Variants in ZNF354B observed in about 807,000 individuals in gnomAD.
The protein encoded by ZNF354B is zinc finger protein 354B.
A neutral mutation model predicts 12.9 loss-of-function variants in ZNF354B; 10 were observed. That is an observed-to-expected ratio of 0.77 (90% CI 0.48 to 1.31). The LOEUF is 1.31. Among genes scored for constraint, ZNF354B ranks in the 40% most tolerant of loss-of-function variants. The pLI is 0.00. For synonymous variants in ZNF354B, 260 were observed against 243.7 expected, an observed-to-expected ratio of 1.07 and a Z score of -0.62; for missense variants, 614 against 711.7, an observed-to-expected ratio of 0.86 and a Z score of 1.56.
chr5:178,870,245 C>T lies in ZNF354B; in HGVS notation c.256+3174C>T, dbSNP rs538406825. On this transcript the variant is annotated intron_variant, in intron 4 of 4. Coordinates refer to ENST00000322434, the MANE Select transcript of ZNF354B (RefSeq NM_058230.3). ...TATGCTCCCCATGATAGGACTCTCT[C>T]GAACCTCCAGTAGCCTCAAAATATA... is the stretch of plus-strand genomic sequence containing the variant. Among the ~76,000 whole-genome samples the T allele has an allele frequency of 1.5e-4, 23 of 152,296 alleles. No homozygotes were observed. In the South Asian group the frequency reaches 4.2e-3, roughly 27 times the overall value.
rs1050803037 is a variant in ZNF354B, at chr5:178,882,990, G to C, written c.538G>C (p.Ala180Pro). The C allele has an allele frequency of 1.1e-5, 17 of 1,607,186 alleles. No individual in the cohort carries two copies. The Admixed American group carries it at 1.5e-4, about 15-fold the overall frequency. ...AGTCTTCATTAAGCAACAGAGATTTGCTAAAGAAAAAACTCCATCAAAATG... is the reference window on the plus strand; with the variant it reads ...AGTCTTCATTAAGCAACAGAGATTTCCTAAAGAAAAAACTCCATCAAAATG... ...KSVFIKQQRF[A>P]KEKTPSKCEI... The change falls in exon 5 of 5, where the codon GCT (alanine) becomes CCT (proline). Residue 180 changes from alanine to proline, a missense_variant. Transcript: ENST00000322434.
intron 4 of ZNF354B, among the ~76,000 whole-genome samples, chr5:178,880,956 C>T (rs1757707910): frequency 6.6e-6 from 1 of 150,636 alleles, no homozygotes; most frequent in Non-Finnish European, 1.5e-5. Context: ...GATTCTCCTG[C>T]CTCAGCCTCC....
At chr5:178,869,954 G>A (rs933949640) in intron 4 of ZNF354B, among the ~76,000 whole-genome samples, 5 of 152,104 alleles carry the variant, frequency 3.3e-5, no homozygotes, top group African/African-American at 1.2e-4. Flanking sequence ...CATTGAGAGC[G>A]TGGTTGAAGG....
At chr5:178,872,175 A>C (rs1757573430) in intron 4 of ZNF354B, among the ~76,000 whole-genome samples, 1 of 152,074 alleles carries the variant, frequency 6.6e-6, no homozygotes, top group African/African-American at 2.4e-5. Flanking sequence ...GATAATCACT[A>C]ATGTGTTCTC....
At position 178,866,351 on chromosome 5, in the gene ZNF354B, T is replaced by C. The variant is rs765482024; in HGVS notation, c.141T>C (p.Tyr47=). 3 of 1,613,842 alleles carry C rather than the reference T, an allele frequency of 1.9e-6. No homozygotes were observed. The highest frequency in any genetic ancestry group is 4.5e-5 in the East Asian group (2 of 44,876). ...NLYRDVMLEN[Y]RNLVSLGLSF... is the part of the protein sequence containing the mutation. ...ACCGGGATGTGATGCTGGAGAACTA[T>C]AGGAACCTGGTCTCACTGGGTAAGG... The change falls in exon 3 of 5, where the codon TAT becomes TAC. Residue 47 remains tyrosine, a synonymous_variant. Coordinates refer to ENST00000322434, the MANE Select transcript of ZNF354B (RefSeq NM_058230.3).
intron 4 of ZNF354B, among the ~76,000 whole-genome samples, chr5:178,875,255 A>C (rs1250101242): frequency 6.6e-6 from 1 of 152,218 alleles, no homozygotes; most frequent in East Asian, 1.9e-4. Flanking sequence ...TGGAGGCAAC[A>C]GGGGAAGGGA....
At chr5:178,868,747 C>A (rs1364171356) in intron 4 of ZNF354B, among the ~76,000 whole-genome samples, 1 of 151,998 alleles carries the variant, frequency 6.6e-6, no homozygotes, top group African/African-American at 2.4e-5. Context: ...CCGAGGCGGG[C>A]AGATCACGAG....
chr5:178,880,599 T>G (rs1234307180), intron 4 of ZNF354B, among the ~76,000 whole-genome samples: 1 of 151,788 alleles, frequency 6.6e-6, no homozygotes, highest in African/African-American at 2.4e-5. Context: ...GCTCAAGTGA[T>G]CCTCCTGCCT....
At chr5:178,867,926 C>G (rs769415519) in intron 4 of ZNF354B, among the ~76,000 whole-genome samples, 26 of 152,104 alleles carry the variant, frequency 1.7e-4, no homozygotes, top group African/African-American at 6.0e-4. Flanking sequence ...CAGATGGTCA[C>G]TTTGGGAGTA....
At chr5:178,869,025 T>C (rs1019216473) in intron 4 of ZNF354B, among the ~76,000 whole-genome samples, 2 of 147,654 alleles carry the variant, frequency 1.4e-5, no homozygotes, top group African/African-American at 5.0e-5. Flanking sequence ...GTAAAGCCAG[T>C]GAGGAGAAGG....
In ZNF354B at chr5:178,884,205, A is replaced by G. The variant is rs1414058714; in HGVS notation, c.1753A>G (p.Lys585Glu). ...EKPYECNACG[K>E]LFSQRSSLTN... ...ACCCTATGAATGTAATGCATGTGGG[A>G]AACTCTTTAGCCAGAGGTCATCCCT... is the stretch of plus-strand genomic sequence containing the variant. The change falls in exon 5 of 5, where the codon AAA (lysine) becomes GAA (glutamate). Residue 585 changes from lysine to glutamate, a missense_variant. By Grantham distance (56) the Lys-to-Glu change is moderately conservative. Coordinates refer to ENST00000322434, the MANE Select transcript of ZNF354B (RefSeq NM_058230.3). 6.2e-7 allele frequency: 1 copy of G among 1,614,016 alleles called. No homozygotes were observed. Among genetic ancestry groups the G allele is most frequent in the Non-Finnish European group, 8.5e-7 (1 of 1,179,926 alleles).
chr5:178,862,921 ATTT>A (rs1251776979), intron 2 of ZNF354B, among the ~76,000 whole-genome samples: 1 of 152,158 alleles, frequency 6.6e-6, no homozygotes, highest in Non-Finnish European at 1.5e-5. Context: ...AGTGAAGGGA[ATTT>A]TAAGACCAGA....
intron 2 of ZNF354B, among the ~76,000 whole-genome samples, chr5:178,862,623 C>T (rs1233973912): frequency 1.3e-5 from 2 of 152,202 alleles, no homozygotes; most frequent in Middle Eastern, 3.2e-3. Flanking sequence ...CAGCCACAGC[C>T]TCCCGGAGTG....
rs758832809 is a variant in ZNF354B, at chr5:178,883,893, CTCATTCAACA to C, written c.1445_1454del (p.Ile482ArgfsTer41). The C allele has an allele frequency of 3.1e-6, 5 of 1,614,138 alleles. No homozygotes were observed. Among genetic ancestry groups the C allele is most frequent in the Non-Finnish European group, 4.2e-6 (5 of 1,180,000 alleles). On this transcript the variant is annotated frameshift_variant, in exon 5 of 5. Coordinates refer to ENST00000322434, the MANE Select transcript of ZNF354B (RefSeq NM_058230.3). LOFTEE classifies it high-confidence loss of function. ...AAAAGCCTTCAGACAGAGTTCCGCT[CTCATTCAACA>C]TCAGAGAATGCATACTGGAGAAAGA...
intron 3 of ZNF354B, 139 bp downstream of exon 3, chr5:178,866,509 C>G: frequency 7.5e-7 from 1 of 1,326,542 alleles, no homozygotes; most frequent in Non-Finnish European, 1.0e-6. Flanking sequence ...TGTAAATAAA[C>G]ATTGATAACT....
intron 4 of ZNF354B, among the ~76,000 whole-genome samples, chr5:178,871,877 A>G (rs1757568537): frequency 1.3e-5 from 2 of 152,108 alleles, no homozygotes; most frequent in South Asian, 4.1e-4. Flanking sequence ...TGAGTTTGAT[A>G]TTTTTACTTT....
chr5:178,878,738 T>A (rs1757677039), intron 4 of ZNF354B, among the ~76,000 whole-genome samples: 1 of 152,190 alleles, frequency 6.6e-6, no homozygotes, highest in East Asian at 1.9e-4. Flanking sequence ...GTTTTGCTCT[T>A]GTTACCCAGG....
Position 178,884,406 on chromosome 5 carries a change from T to G in ZNF354B, c.*115T>G. 8.7e-7 allele frequency: 1 copy of G among 1,153,748 alleles called. No homozygotes were observed. Among genetic ancestry groups the G allele is most frequent in the Non-Finnish European group, 1.2e-6 (1 of 837,880 alleles). 71.5% of individuals were successfully genotyped at this position (1,153,748 alleles called of 1,614,324 possible). Reference sequence around the variant, plus strand: ...GATACTAAGTTTTAAGAATAAACTTTAGCTATGTAATAACTTATGGGAAAA... The same window carrying G: ...GATACTAAGTTTTAAGAATAAACTTGAGCTATGTAATAACTTATGGGAAAA... On this transcript the variant is annotated 3_prime_UTR_variant, in exon 5 of 5. Transcript: ENST00000322434.
intron 4 of ZNF354B, among the ~76,000 whole-genome samples, chr5:178,873,346 G>A (rs1268073384): frequency 6.6e-6 from 1 of 152,260 alleles, no homozygotes; most frequent in African/African-American, 2.4e-5. Flanking sequence ...TGCTTTTGGT[G>A]TCAAATGTAA....
Sources: allele counts gnomAD v4.1 joint callset (sites outside exome capture counted in the v4.1 genomes callset), GRCh38; gene constraint gnomAD v4.1.1; transcripts MANE v1.5; gene names NCBI Gene and HGNC (gene_info 2026-07-23, HGNC 2026-07-21).